ARL15: variants seen among roughly 807,000 people sequenced by gnomAD.
ARL15 encodes the protein ADP-ribosylation factor-like protein 15.
In ARL15, 19 loss-of-function variants were observed where a neutral mutation model predicts 25.2. The ratio of observed to expected loss-of-function variants is 0.75; its 90% CI spans 0.53 to 1.10. ARL15 has a LOEUF of 1.10. Ranked by LOEUF, ARL15 falls within the 50% of genes least tolerant of loss-of-function variation. The pLI is 0.00. For synonymous variants in ARL15, 94 were observed against 86.8 expected (o/e 1.08, Z -0.46); for missense variants, 220 against 246.0 (o/e 0.89, Z 0.71).
At position 54,049,650 on chromosome 5, in the gene ARL15, G is replaced by C. The variant is rs1048158086; in HGVS notation, c.462+63552C>G. On this transcript the variant is annotated intron_variant, in intron 4 of 4. Transcript: ENST00000504924. ...GGGTCTCACCCTGTCACCCAGGCTG[G>C]AGTGCAGTGACACAATCTCGGCTCA... Among the ~76,000 whole-genome samples the C allele has an allele frequency of 3.3e-5, 5 of 152,154 alleles. No individual in the cohort carries two copies. The East Asian group carries it at 7.7e-4, about 24-fold the overall frequency.
intron 1 of ARL15, among the ~76,000 whole-genome samples, chr5:54,193,463 G>A (rs1030622686): frequency 6.6e-6 from 1 of 152,166 alleles, no homozygotes; most frequent in East Asian, 1.9e-4. Flanking sequence ...ATTGTGGCTT[G>A]AGCTCTGCTT....
At chr5:54,241,547 G>A (rs1182286360) in intron 1 of ARL15, among the ~76,000 whole-genome samples, 1 of 152,064 alleles carries the variant, frequency 6.6e-6, no homozygotes, top group African/African-American at 2.4e-5. Flanking sequence ...CTCTCTCAAT[G>A]AAAGGTAAAA....
intron 4 of ARL15, among the ~76,000 whole-genome samples, chr5:53,957,956 T>G (rs1349553267): frequency 6.6e-6 from 1 of 152,162 alleles, no homozygotes; most frequent in Non-Finnish European, 1.5e-5. Context: ...ACACCTGTAA[T>G]CCCAGCACTT....
At chr5:54,003,605 T>C (rs6893522) in intron 4 of ARL15, among the ~76,000 whole-genome samples, 7,468 of 152,220 alleles carry the variant, frequency 0.049, 238 homozygotes, top group Middle Eastern at 0.088. Context: ...TTGTTTGTAG[T>C]CTAACATCTA....
At chr5:54,163,356 CTTTTT>C (rs869196680) in intron 2 of ARL15, among the ~76,000 whole-genome samples, 2 of 55,700 alleles carry the variant, frequency 3.6e-5, no homozygotes, top group African/African-American at 1.3e-4. Flanking sequence ...TGGTATGAAG[CTTTTT>C]TTTTTTTTTT....
intron 4 of ARL15, among the ~76,000 whole-genome samples, chr5:53,950,154 C>T (rs796298954): frequency 5.3e-5 from 8 of 152,086 alleles, no homozygotes; most frequent in African/African-American, 1.9e-4. Context: ...GCGGCCTGGG[C>T]ATGGTGGCTC....
chr5:54,095,460 G>C (rs1364519318), intron 4 of ARL15, among the ~76,000 whole-genome samples: 1 of 151,934 alleles, frequency 6.6e-6, no homozygotes. Context: ...TTAAACTGAT[G>C]AATGAAAAAA....
intron 1 of ARL15, among the ~76,000 whole-genome samples, chr5:54,263,772 A>G (rs1490705704): frequency 6.6e-6 from 1 of 151,674 alleles, no homozygotes; most frequent in Non-Finnish European, 1.5e-5. Context: ...CATCCATACA[A>G]CCCCCATTTC....
At chr5:54,158,061 C>G (rs1266047292) in intron 2 of ARL15, among the ~76,000 whole-genome samples, 1 of 151,952 alleles carries the variant, frequency 6.6e-6, no homozygotes, top group South Asian at 2.1e-4. Flanking sequence ...AATTATTAGA[C>G]TTTTTTTTCC....
chr5:53,917,952 G>A (rs1039424447), intron 4 of ARL15, among the ~76,000 whole-genome samples: 11 of 152,112 alleles, frequency 7.2e-5, no homozygotes, highest in African/African-American at 2.4e-4. Flanking sequence ...TTCATATTCT[G>A]AGTTGTCTAT....
chr5:54,073,574 A>G (rs1174791031), intron 4 of ARL15, among the ~76,000 whole-genome samples: 2 of 152,158 alleles, frequency 1.3e-5, no homozygotes, highest in Admixed American at 1.3e-4. Context: ...GTAGTAAACA[A>G]TATAACACTC....
At chr5:54,005,400 A>G (rs1280510231) in intron 4 of ARL15, among the ~76,000 whole-genome samples, 1 of 152,080 alleles carries the variant, frequency 6.6e-6, no homozygotes, top group Non-Finnish European at 1.5e-5. Context: ...AGCATATAAT[A>G]TTTGTCTCAT....
chr5:54,304,008 T>A (rs1038683234), intron 1 of ARL15, among the ~76,000 whole-genome samples: 3 of 152,236 alleles, frequency 2.0e-5, no homozygotes, highest in Non-Finnish European at 4.4e-5. Flanking sequence ...AACAATCACC[T>A]GCCAGAGTCC....
intron 1 of ARL15, among the ~76,000 whole-genome samples, chr5:54,288,853 A>G (rs1758247866): frequency 6.6e-6 from 1 of 152,184 alleles, no homozygotes; most frequent in South Asian, 2.1e-4. Flanking sequence ...TGGGCAATAA[A>G]AACTGAATAT....
At chr5:54,220,578 A>C (rs1333800581) in intron 1 of ARL15, among the ~76,000 whole-genome samples, 1 of 152,164 alleles carries the variant, frequency 6.6e-6, no homozygotes, top group East Asian at 1.9e-4. Context: ...TTTAAATATG[A>C]TAATCACCTT....
chr5:53,954,501 C>T (rs1191729234), intron 4 of ARL15, among the ~76,000 whole-genome samples: 15 of 152,212 alleles, frequency 9.9e-5, no homozygotes. Context: ...CCTTGAACAT[C>T]ATGTCCCTGC....
chr5:54,014,625 A>T (rs1317673204), intron 4 of ARL15, among the ~76,000 whole-genome samples: 1 of 151,586 alleles, frequency 6.6e-6, no homozygotes, highest in Admixed American at 6.6e-5. Flanking sequence ...GGTTCAAGCT[A>T]TTCTCCTGTC....
intron 4 of ARL15, among the ~76,000 whole-genome samples, chr5:53,917,981 G>T (rs976277399): frequency 6.6e-6 from 1 of 152,098 alleles, no homozygotes; most frequent in African/African-American, 2.4e-5. Flanking sequence ...CAGGCTCAAA[G>T]AGGCTCTGAA....
chr5:54,015,021 G>A (rs191076424), intron 4 of ARL15, among the ~76,000 whole-genome samples: 46 of 152,042 alleles, frequency 3.0e-4, no homozygotes, highest in African/African-American at 6.8e-4. Flanking sequence ...GGCCAGGCGC[G>A]GTGGCTCACA....
Sources: allele counts gnomAD v4.1 joint callset (sites outside exome capture counted in the v4.1 genomes callset), GRCh38; gene constraint gnomAD v4.1.1; transcripts MANE v1.5; gene names NCBI Gene and HGNC (gene_info 2026-07-23, HGNC 2026-07-21).